Variants in NTN1 observed in about 807,000 individuals in gnomAD.
NTN1 encodes the protein netrin 1.
In NTN1, 11 loss-of-function variants were observed where a neutral mutation model predicts 54.2. That is an observed-to-expected ratio of 0.20 (90% CI 0.13 to 0.34). NTN1 has a LOEUF of 0.34. Ranked by LOEUF, NTN1 falls within the 10% of genes least tolerant of loss-of-function variation. The pLI is 1.00. For synonymous variants in NTN1, 371 were observed against 382.0 expected (o/e 0.97, Z 0.33); for missense variants, 740 against 893.1 (o/e 0.83, Z 2.18).
intron 2 of NTN1, among the ~76,000 whole-genome samples, chr17:9,148,398 T>C (rs2092319405): frequency 6.6e-6 from 1 of 152,124 alleles, no homozygotes; most frequent in African/African-American, 2.4e-5. Context: ...TTTAACCTCT[T>C]CTGGGACTTG....
At chr17:9,041,524 C>T (rs757879835) in intron 2 of NTN1, among the ~76,000 whole-genome samples, 10 of 152,180 alleles carry the variant, frequency 6.6e-5, no homozygotes, top group Non-Finnish European at 1.2e-4. Flanking sequence ...ACTTCATTTC[C>T]TTTTAATGGC....
chr17:9,184,942 A>G (rs934478603), intron 5 of NTN1, among the ~76,000 whole-genome samples: 1 of 152,230 alleles, frequency 6.6e-6, no homozygotes, highest in African/African-American at 2.4e-5. Flanking sequence ...TGAGTTGTTT[A>G]ACTTTTCGGA....
upstream of NTN1, among the ~76,000 whole-genome samples, chr17:9,018,014 C>A (rs1039120435): frequency 6.6e-6 from 1 of 152,182 alleles, no homozygotes; most frequent in African/African-American, 2.4e-5. Context: ...AGGCAGAGAA[C>A]CTTGATCTGG....
chr17:9,183,473 G>T, intron 5 of NTN1: 1 of 382,252 alleles, frequency 2.6e-6, no homozygotes, highest in Non-Finnish European at 5.3e-6. Flanking sequence ...AAGAGAGGCC[G>T]CAGACCGCAG....
At chr17:9,207,486 G>T (rs1001749509) in intron 5 of NTN1, among the ~76,000 whole-genome samples, 3 of 152,244 alleles carry the variant, frequency 2.0e-5, no homozygotes, top group East Asian at 3.9e-4. Context: ...TGTTACAAAC[G>T]CTCACCCCCG....
At chr17:9,137,526 C>T (rs1291801160) in intron 2 of NTN1, among the ~76,000 whole-genome samples, 1 of 152,214 alleles carries the variant, frequency 6.6e-6, no homozygotes. Flanking sequence ...GGCACAATGG[C>T]TCACGCCTGT....
In NTN1 at chr17:9,221,148, C is replaced by T. The variant is rs1399869130; in HGVS notation, c.1412-20C>T. On this transcript the variant is annotated intron_variant, in intron 5 of 6. Coordinates refer to ENST00000173229, the MANE Select transcript of NTN1 (RefSeq NM_004822.3). The surrounding 1 kb of genome is among the most constrained non-coding windows in gnomAD (Gnocchi z 4.5). ...AGCCTAATTAGTTTTTGTCTGTGCT[C>T]CCCCCCCACCCCCCTGCAGACTGCG... 7.5e-6 allele frequency: 9 copies of T among 1,204,840 alleles called. No individual in the cohort carries two copies. Among genetic ancestry groups the T allele is most frequent in the South Asian group, 3.7e-5 (3 of 81,688 alleles). The allele number at this position is 1,204,840 out of a possible 1,614,324, so 74.6% of individuals were successfully genotyped here. A position where few individuals can be genotyped will look rare whatever the true frequency, so the allele number is the denominator to read the frequency against.
chr17:9,230,834 A>T (rs912739669), intron 6 of NTN1, among the ~76,000 whole-genome samples: 2 of 151,756 alleles, frequency 1.3e-5, no homozygotes, highest in African/African-American at 4.8e-5. Context: ...GTCTCTCCCG[A>T]TGCTGTTTTC....
the NTN1 span, among the ~76,000 whole-genome samples, chr17:9,007,582 T>C: frequency 6.7e-6 from 1 of 149,038 alleles, no homozygotes; most frequent in African/African-American, 2.5e-5. Context: ...TCTTTCTTCC[T>C]TCCCTCCCTT....
chr17:9,234,048 C>T (rs1177060401), intron 6 of NTN1, among the ~76,000 whole-genome samples: 1 of 152,208 alleles, frequency 6.6e-6, no homozygotes, highest in African/African-American at 2.4e-5. Flanking sequence ...GACTCTGGCC[C>T]CCATGGACCT....
intron 2 of NTN1, among the ~76,000 whole-genome samples, chr17:9,088,560 G>A (rs893751922): frequency 6.6e-6 from 1 of 152,072 alleles, no homozygotes; most frequent in African/African-American, 2.4e-5. Context: ...ATGGGTGGAT[G>A]GGCTCTGAGT....
chr17:9,046,501 A>G (rs962457145), intron 2 of NTN1, among the ~76,000 whole-genome samples: 2 of 152,174 alleles, frequency 1.3e-5, no homozygotes, highest in African/African-American at 4.8e-5. Context: ...CCCCCCAAAT[A>G]AGAGTCCAGG....
intron 2 of NTN1, among the ~76,000 whole-genome samples, chr17:9,087,885 T>G (rs926291443): frequency 6.6e-6 from 1 of 152,224 alleles, no homozygotes; most frequent in East Asian, 1.9e-4. Context: ...AGGTTAGATC[T>G]AAGTCCTCCA....
intron 2 of NTN1, among the ~76,000 whole-genome samples, chr17:9,143,998 C>T (rs975480063): frequency 5.9e-5 from 9 of 151,882 alleles, no homozygotes; most frequent in African/African-American, 2.2e-4. Context: ...TGGGTTCAAG[C>T]GATTCTCCTG....
chr17:9,210,812 G>A (rs936513323), intron 5 of NTN1, among the ~76,000 whole-genome samples: 5 of 149,210 alleles, frequency 3.4e-5, no homozygotes, highest in African/African-American at 4.9e-5. Flanking sequence ...AGGTTGAGGC[G>A]GGAGAATCGC....
At chr17:9,037,177 C>T (rs1156592567) in intron 2 of NTN1, among the ~76,000 whole-genome samples, 1 of 152,168 alleles carries the variant, frequency 6.6e-6, no homozygotes, top group African/African-American at 2.4e-5. Context: ...TTTAATTTGC[C>T]TATTTTTGAA....
intron 2 of NTN1, among the ~76,000 whole-genome samples, chr17:9,152,118 C>T (rs1426473475): frequency 2.0e-5 from 3 of 152,290 alleles, no homozygotes; most frequent in East Asian, 1.9e-4. Flanking sequence ...TGTTCTTTTG[C>T]GCTTCACAAT....
intron 5 of NTN1, among the ~76,000 whole-genome samples, chr17:9,187,347 G>C (rs1271784068): frequency 6.6e-6 from 1 of 152,080 alleles, no homozygotes; most frequent in Non-Finnish European, 1.5e-5. Flanking sequence ...CCTTCCAGCA[G>C]CTCATGGTAG....
At position 9,243,994 on chromosome 17, in the gene NTN1, T is replaced by A. The variant is rs926200453; in HGVS notation, c.*4026T>A. On this transcript the variant is annotated 3_prime_UTR_variant, in exon 7 of 7. Coordinates refer to ENST00000173229, the MANE Select transcript of NTN1 (RefSeq NM_004822.3). ...TCAGATATCATTAAATAAACTCTTG[T>A]ACACTATGCCGTCTCGCAGTCTTGA... The A allele has an allele frequency of 6.6e-6, 1 of 152,078 alleles. No individual in the cohort carries two copies. The highest frequency in any genetic ancestry group is 1.5e-5 in the Non-Finnish European group (1 of 68,026). 9.4% of individuals were successfully genotyped at this position (152,078 alleles called of 1,614,324 possible). A position where few individuals can be genotyped will look rare whatever the true frequency, so the allele number is the denominator to read the frequency against.
Sources: gnomAD v4.1 joint callset for allele counts (sites outside exome capture counted in the v4.1 genomes callset) on GRCh38, gnomAD v4.1.1 for gene constraint, Gnocchi (gnomAD v3.1) non-coding constraint, MANE v1.5 for transcripts, NCBI Gene and HGNC (gene_info 2026-07-23, HGNC 2026-07-21) for gene names.